The following PDCD6 variants were observed in gnomAD, a reference collection of about 807,000 sequenced individuals.
The protein encoded by PDCD6 is programmed cell death protein 6.
A neutral mutation model predicts 28.3 loss-of-function variants in PDCD6; 12 were observed. The observed-to-expected ratio is 0.42, with a 90% CI of 0.27 to 0.69. The LOEUF is 0.69. PDCD6 is among the 30% of genes least tolerant of loss of function. The pLI is 0.22. For synonymous variants in PDCD6, 92 were observed against 108.0 expected (o/e 0.85, Z 0.92); for missense variants, 226 against 269.9 (o/e 0.84, Z 1.14).
chr5:282,382 C>A (rs1405899096), intron 2 of PDCD6, among the ~76,000 whole-genome samples: 1 of 151,012 alleles, frequency 6.6e-6, no homozygotes, highest in Non-Finnish European at 1.5e-5. Flanking sequence ...TGGAGAGGAG[C>A]TGATGTTGTA....
intron 2 of PDCD6, among the ~76,000 whole-genome samples, chr5:290,705 G>A (rs150012113): frequency 0.027 from 4,083 of 152,300 alleles, 71 homozygotes; most frequent in Non-Finnish European, 0.037. Flanking sequence ...AATTGAGTCC[G>A]TTCACACAGC....
chr5:290,463 G>A, intron 2 of PDCD6: 1 of 611,530 alleles, frequency 1.6e-6, no homozygotes, highest in Non-Finnish European at 3.0e-6. Context: ...GGGAACGAAG[G>A]GAGCCAGGGG....
At chr5:311,264 T>G in intron 4 of PDCD6, 29 bp from the exon 5 acceptor site, 1 of 1,569,200 alleles carries the variant, frequency 6.4e-7, no homozygotes, top group Non-Finnish European at 8.8e-7. Context: ...TCTCCCAGCC[T>G]TCTCTGACTC....
At chr5:283,657 T>C (rs190480589) in intron 2 of PDCD6, among the ~76,000 whole-genome samples, 1 of 152,072 alleles carries the variant, frequency 6.6e-6, no homozygotes, top group Non-Finnish European at 1.5e-5. Context: ...GAGGAGCTGA[T>C]GTTCTAGTTT....
intron 2 of PDCD6, among the ~76,000 whole-genome samples, chr5:280,951 AGTTG>A (rs1318426024): frequency 2.0e-5 from 3 of 152,282 alleles, no homozygotes; most frequent in Admixed American, 1.3e-4. Context: ...GGGGAGTAAC[AGTTG>A]GGATTAATGT....
At chr5:302,513 G>GTA (rs1579534247) in intron 2 of PDCD6, among the ~76,000 whole-genome samples, 2 of 141,952 alleles carry the variant, frequency 1.4e-5, no homozygotes, top group Admixed American at 1.4e-4. Context: ...GTGTGTGTGT[G>GTA]TATGCCTCGG....
chr5:304,307 C>T (rs1326110915), intron 3 of PDCD6, 86 bp downstream of exon 3: 13 of 918,168 alleles, frequency 1.4e-5, no homozygotes, highest in Admixed American at 2.7e-5. Context: ...TCTGTGGGTC[C>T]GTATCACTTT....
chr5:299,450 C>T (rs1303533530), intron 2 of PDCD6, among the ~76,000 whole-genome samples: 16 of 151,216 alleles, frequency 1.1e-4, no homozygotes, highest in Non-Finnish European at 1.5e-4. Flanking sequence ...GCTGATCTCT[C>T]GTTCCCAAAA....
chr5:272,075 C>T (rs929162522), intron 1 of PDCD6, among the ~76,000 whole-genome samples: 4 of 150,264 alleles, frequency 2.7e-5, no homozygotes, highest in Non-Finnish European at 5.9e-5. Flanking sequence ...TGGGGCCGCC[C>T]CTGCCTCCTG....
At chr5:291,429 C>CTGAGGGGAGCATGGGAAA (rs1739305322) in intron 2 of PDCD6, among the ~76,000 whole-genome samples, 1 of 151,724 alleles carries the variant, frequency 6.6e-6, no homozygotes. Context: ...GATCTCCCGT[C>CTGAGGGGAGCATGGGAAA]TCCATTCTCT....
intron 2 of PDCD6, among the ~76,000 whole-genome samples, chr5:301,187 AGAG>A (rs1740026938): frequency 6.6e-6 from 1 of 152,236 alleles, no homozygotes; most frequent in Admixed American, 6.5e-5. Context: ...CGCAGAAGAC[AGAG>A]GAGAAGAAGC....
chr5:279,608 T>C (rs1738434415), intron 2 of PDCD6, among the ~76,000 whole-genome samples: 1 of 151,944 alleles, frequency 6.6e-6, no homozygotes, highest in African/African-American at 2.4e-5. Context: ...GGGAAGGCAT[T>C]TCTCTATCAG....
At chr5:273,596 T>C (rs762832978) in intron 2 of PDCD6, among the ~76,000 whole-genome samples, 12 of 152,258 alleles carry the variant, frequency 7.9e-5, no homozygotes, top group East Asian at 3.9e-4. Flanking sequence ...TTGAAAGGCT[T>C]CTTGTTATTA....
intron 2 of PDCD6, among the ~76,000 whole-genome samples, chr5:299,597 T>C (rs1053566701): frequency 4.6e-5 from 7 of 151,956 alleles, no homozygotes; most frequent in Admixed American, 6.5e-5. Flanking sequence ...TCGCCCAGGC[T>C]GGAGTCCAGT....
chr5:292,281 C>T (rs1337358288), intron 2 of PDCD6, among the ~76,000 whole-genome samples: 3 of 152,116 alleles, frequency 2.0e-5, no homozygotes, highest in African/African-American at 7.2e-5. Context: ...GTTTTTGAGA[C>T]AGAGTCTCAC....
At position 314,455 on chromosome 5, in the gene PDCD6, G is replaced by T; in HGVS notation, c.516G>T (p.Gln172His). ...TATTCAGACGTTACGACACGGATCA[G>T]GACGGCTGGATTCAGGTGTCGTACG... ...TDIFRRYDTD[Q>H]DGWIQVSYEQ... The change falls in exon 6 of 6, where the codon CAG (glutamine) becomes CAT (histidine). Residue 172 changes from glutamine to histidine, a missense_variant. Gln to His is a conservative substitution (Grantham distance 24). Around this residue, in one of 3 missense-constraint regions of PDCD6, gnomAD observed 151 missense variants for 177.2 expected, o/e 0.85. Coordinates refer to ENST00000264933, the MANE Select transcript of PDCD6 (RefSeq NM_013232.4). 6.2e-7 allele frequency: 1 copy of T among 1,613,862 alleles called. No individual in the cohort carries two copies. The highest frequency in any genetic ancestry group is 8.5e-7 in the Non-Finnish European group (1 of 1,179,944).
chr5:284,922 G>A (rs1161901664), intron 2 of PDCD6, among the ~76,000 whole-genome samples: 1 of 147,702 alleles, frequency 6.8e-6, no homozygotes, highest in Non-Finnish European at 1.5e-5. Flanking sequence ...GAGACCCGGG[G>A]AGGAATATCA....
intron 2 of PDCD6, chr5:273,203 T>C (rs1737948583): frequency 5.5e-6 from 1 of 181,674 alleles, no homozygotes; most frequent in Non-Finnish European, 1.2e-5. Flanking sequence ...GCAGCCCTTG[T>C]ATGGGAATGT....
intron 2 of PDCD6, chr5:290,453 G>T: frequency 1.6e-6 from 1 of 617,960 alleles, no homozygotes; most frequent in Non-Finnish European, 2.9e-6. Context: ...GTTGGGTGGG[G>T]GGAACGAAGG....
Sources: gnomAD v4.1 joint callset for allele counts (sites outside exome capture counted in the v4.1 genomes callset) on GRCh38, gnomAD v4.1.1 for gene constraint, gnomAD v4.1.1 regional missense constraint, MANE v1.5 for transcripts, NCBI Gene and HGNC (gene_info 2026-07-23, HGNC 2026-07-21) for gene names.